GSDME: variants seen among roughly 807,000 people sequenced by gnomAD.
GSDME encodes gasdermin E.
GSDME carries 44 observed loss-of-function variants against 47.5 expected under a neutral mutation model. The ratio of observed to expected loss-of-function variants is 0.93; its 90% CI spans 0.73 to 1.19. GSDME has a LOEUF of 1.19. Among genes scored for constraint, GSDME ranks in the 50% most tolerant of loss-of-function variants. The pLI, the probability that GSDME is intolerant of heterozygous loss-of-function variation, is 0.00. For missense variants in GSDME, 663 were observed against 604.2 expected (o/e 1.10, Z -1.02); for synonymous variants, 258 against 252.8 (o/e 1.02, Z -0.20).
At position 24,698,933 on chromosome 7, in the gene GSDME, T is replaced by C; in HGVS notation, c.*93A>G. 4 of 910,472 alleles carry C rather than the reference T, an allele frequency of 4.4e-6. No individual in the cohort carries two copies. Among genetic ancestry groups the C allele is most frequent in the Non-Finnish European group, 7.1e-6 (4 of 562,060 alleles). The allele number at this position is 910,472 out of a possible 1,614,324, so 56.4% of individuals were successfully genotyped here. ...CTTCTTAAACTGTTCTGTAAATTCA[T>C]TTCATTGGTCAACTTTTAACGTGCA... On this transcript the variant is annotated 3_prime_UTR_variant, in exon 10 of 10. Coordinates refer to ENST00000645220, the MANE Select transcript of GSDME (RefSeq NM_001127453.2).
Position 24,744,546 on chromosome 7 carries a change from A to G in GSDME, c.404+16T>C, listed in dbSNP as rs1790585110. ...GAGATGTGTCAAAATCCAAAATGCC[A>G]AACAAGTCTCCTTACCTCTCGGCAG... On this transcript the variant is annotated intron_variant, in intron 3 of 9. Coordinates refer to ENST00000645220, the MANE Select transcript of GSDME (RefSeq NM_001127453.2). The surrounding 1 kb of genome is among the most constrained non-coding windows in gnomAD (Gnocchi z 4.5). 7 of 1,614,020 alleles carry G rather than the reference A, an allele frequency of 4.3e-6. No individual in the cohort carries two copies. Among genetic ancestry groups the G allele is most frequent in the African/African-American group, 1.3e-5 (1 of 74,926 alleles).
In GSDME at chr7:24,735,753, T is replaced by G. The variant is rs1790283651; in HGVS notation, c.404+8809A>C. On this transcript the variant is annotated intron_variant, in intron 3 of 9. Coordinates refer to ENST00000645220, the MANE Select transcript of GSDME (RefSeq NM_001127453.2). This position sits in a 1 kb window ranked among gnomAD's most constrained non-coding sequence, Gnocchi z 4.4. ...AGCCTGGGTGACAACAGCAAAACTC[T>G]ATCTCAAAAATAAATAAATAAATAA... Among the ~76,000 whole-genome samples the G allele has an allele frequency of 7.1e-6, 1 of 140,166 alleles. No homozygotes were observed. The highest frequency in any genetic ancestry group is 1.5e-5 in the Non-Finnish European group (1 of 65,458). The allele number at this position is 140,166 out of a possible 152,430, so 92.0% of individuals were successfully genotyped here.
At chr7:24,768,102 T>C in the GSDME span, among the ~76,000 whole-genome samples, 1 of 152,146 alleles carries the variant, frequency 6.6e-6, no homozygotes, top group African/African-American at 2.4e-5. This position sits in a 1 kb window ranked among gnomAD's most constrained non-coding sequence, Gnocchi z 5.6. Flanking sequence ...GTCAGCACAG[T>C]CCCTCTACTT....
chr7:24,741,869 G>C (rs1790503375), intron 3 of GSDME, among the ~76,000 whole-genome samples: 1 of 152,190 alleles, frequency 6.6e-6, no homozygotes, highest in Non-Finnish European at 1.5e-5. Context: ...AAGAGCAGAA[G>C]TCTTCCCTTC....
chr7:24,699,428 C>G (rs1038295652), intron 9 of GSDME, among the ~76,000 whole-genome samples, 169 bp from the exon 10 acceptor site: 2 of 152,124 alleles, frequency 1.3e-5, no homozygotes, highest in African/African-American at 2.4e-5. Flanking sequence ...CTGCAACCTC[C>G]AGCTCCCAGG....
intron 3 of GSDME, among the ~76,000 whole-genome samples, chr7:24,723,459 A>G (rs1378649806): frequency 1.3e-5 from 2 of 152,230 alleles, no homozygotes; most frequent in African/African-American, 4.8e-5. Flanking sequence ...CGCCTAGTGC[A>G]GAAACCAGCC....
the GSDME span, among the ~76,000 whole-genome samples, chr7:24,788,205 C>T: frequency 2.0e-5 from 3 of 152,212 alleles, no homozygotes; most frequent in Non-Finnish European, 2.9e-5. This position sits in a 1 kb window ranked among gnomAD's most constrained non-coding sequence, Gnocchi z 4.6. Context: ...TTCCCCTGCC[C>T]CAGGGACTGA....
At chr7:24,793,726 T>C in the GSDME span, among the ~76,000 whole-genome samples, 4 of 152,130 alleles carry the variant, frequency 2.6e-5, no homozygotes, top group Admixed American at 1.3e-4. Flanking sequence ...AGTTAATTTA[T>C]TTTAGGACAA....
rs1388963965 is a variant in GSDME, at chr7:24,714,034, G to A, written c.697+3220C>T. Among the ~76,000 whole-genome samples the A allele has an allele frequency of 1.3e-5, 2 of 152,314 alleles. No individual in the cohort carries two copies. The highest frequency in any genetic ancestry group is 3.9e-4 in the East Asian group (2 of 5,188). On this transcript the variant is annotated intron_variant, in intron 5 of 9. Transcript: ENST00000645220. This position sits in a 1 kb window ranked among gnomAD's most constrained non-coding sequence, Gnocchi z 5.0. Reference sequence around the variant, plus strand: ...CGTGCACAGATTCAGGTGCAGCGTGGGAAACAGGTTCACGCCCACAAGGCA... The same window carrying A: ...CGTGCACAGATTCAGGTGCAGCGTGAGAAACAGGTTCACGCCCACAAGGCA...
chr7:24,747,911 G>A (rs564640997), intron 2 of GSDME, among the ~76,000 whole-genome samples: 2 of 151,768 alleles, frequency 1.3e-5, no homozygotes, highest in African/African-American at 2.4e-5. Context: ...CAAGCGATCC[G>A]CCCACCTCGG....
At position 24,754,883 on chromosome 7, in the gene GSDME, C is replaced by T. The variant is rs562991244; in HGVS notation, c.-20+2513G>A. On this transcript the variant is annotated intron_variant, in intron 1 of 9. Coordinates refer to ENST00000645220, the MANE Select transcript of GSDME (RefSeq NM_001127453.2). The surrounding 1 kb of genome is among the most constrained non-coding windows in gnomAD (Gnocchi z 5.0). Reference sequence around the variant, plus strand: ...AAAGCAGCTCTGGTTGAACCCTGGGCCTCTGCCTGAAGAGTTCTAGAAAAG... The same window carrying T: ...AAAGCAGCTCTGGTTGAACCCTGGGTCTCTGCCTGAAGAGTTCTAGAAAAG... Among the ~76,000 whole-genome samples the T allele has an allele frequency of 3.9e-4, 60 of 152,170 alleles. No individual in the cohort carries two copies. The highest frequency in any genetic ancestry group is 6.5e-4 in the Non-Finnish European group (44 of 68,034).
Position 24,751,185 on chromosome 7 carries a change from CAA to C in GSDME, c.-19-1394_-19-1393del, listed in dbSNP as rs535425600. On this transcript the variant is annotated intron_variant, in intron 1 of 9. Coordinates refer to ENST00000645220, the MANE Select transcript of GSDME (RefSeq NM_001127453.2). ...AATCAAGTTTTAAAATACTGTACTCCAAGAGAAACATAGGCAATGGTTCTAAA... is the reference window on the plus strand; with the variant it reads ...AATCAAGTTTTAAAATACTGTACTCCGAGAAACATAGGCAATGGTTCTAAA... 2.1e-3 allele frequency among the ~76,000 whole-genome samples: 320 copies of C among 152,186 alleles called. 3 individuals are homozygous for C. Among genetic ancestry groups the C allele is most frequent in the Non-Finnish European group, 7.4e-4 (50 of 68,008 alleles).
chr7:24,766,161 C>T, the GSDME span, among the ~76,000 whole-genome samples: 1 of 149,748 alleles, frequency 6.7e-6, no homozygotes, highest in African/African-American at 2.5e-5. This position sits in a 1 kb window ranked among gnomAD's most constrained non-coding sequence, Gnocchi z 4.2. Context: ...ATTTCTATGG[C>T]CATGATATTA....
the GSDME span, among the ~76,000 whole-genome samples, chr7:24,768,919 A>T: frequency 6.6e-6 from 1 of 152,258 alleles, no homozygotes; most frequent in Non-Finnish European, 1.5e-5. This position sits in a 1 kb window ranked among gnomAD's most constrained non-coding sequence, Gnocchi z 5.6. Flanking sequence ...AGCCCCTGGT[A>T]TGTGCTTGGC....
intron 2 of GSDME, among the ~76,000 whole-genome samples, chr7:24,746,314 G>A (rs1216107165): frequency 2.0e-5 from 3 of 152,154 alleles, no homozygotes; most frequent in Non-Finnish European, 4.4e-5. Context: ...AGATAAAGAG[G>A]TTAGGATTCT....
At chr7:24,787,939 T>A in the GSDME span, among the ~76,000 whole-genome samples, 2 of 152,160 alleles carry the variant, frequency 1.3e-5, no homozygotes, top group African/African-American at 4.8e-5. This position sits in a 1 kb window ranked among gnomAD's most constrained non-coding sequence, Gnocchi z 5.0. Context: ...ACTCTTGGCC[T>A]TGTGACCTGC....
At chr7:24,741,340 G>A (rs183187673) in intron 3 of GSDME, among the ~76,000 whole-genome samples, 12 of 151,866 alleles carry the variant, frequency 7.9e-5, no homozygotes, top group Admixed American at 6.6e-5. Flanking sequence ...GAGCTTATCC[G>A]AGTCACTATG....
chr7:24,783,880 C>A, the GSDME span, among the ~76,000 whole-genome samples: 1 of 151,934 alleles, frequency 6.6e-6, no homozygotes, highest in Non-Finnish European at 1.5e-5. Flanking sequence ...ATGGGTTGGG[C>A]GTGGGGAAGA....
At position 24,719,038 on chromosome 7, in the gene GSDME, T is replaced by A; in HGVS notation, c.576+9A>T. On this transcript the variant is annotated intron_variant, in intron 4 of 9. Coordinates refer to ENST00000645220, the MANE Select transcript of GSDME (RefSeq NM_001127453.2). ...AGCCATGAACGCAGGGCAGCCCGAC[T>A]GCACGCACCTGCACCGTCTTGGTCT... The A allele has an allele frequency of 6.2e-7, 1 of 1,611,974 alleles. No individual in the cohort carries two copies. Among genetic ancestry groups the A allele is most frequent in the Non-Finnish European group, 8.5e-7 (1 of 1,179,928 alleles).
Sources: gnomAD v4.1 joint callset for allele counts (sites outside exome capture counted in the v4.1 genomes callset) on GRCh38, gnomAD v4.1.1 for gene constraint, Gnocchi (gnomAD v3.1) non-coding constraint, MANE v1.5 for transcripts, NCBI Gene and HGNC (gene_info 2026-07-23, HGNC 2026-07-21) for gene names.